The following DLGAP1 variants were observed in gnomAD, a reference collection of about 807,000 sequenced individuals.
DLGAP1 encodes disks large-associated protein 1.
In DLGAP1, 11 loss-of-function variants were observed where a neutral mutation model predicts 90.8. That is an observed-to-expected ratio of 0.12 (90% CI 0.08 to 0.20). The LOEUF is 0.20. DLGAP1 is among the 10% of genes least tolerant of loss of function. The probability of loss-of-function intolerance (pLI) is 1.00; values close to 1 mark genes in which losing one functional copy is unlikely to be tolerated. For synonymous variants in DLGAP1, 558 were observed against 540.7 expected (o/e 1.03, Z -0.44); for missense variants, 1,050 against 1,333.8 (o/e 0.79, Z 3.31).
intron 1 of DLGAP1, among the ~76,000 whole-genome samples, chr18:4,242,314 G>A (rs2078554861): frequency 6.6e-6 from 1 of 151,910 alleles, no homozygotes; most frequent in Non-Finnish European, 1.5e-5. Flanking sequence ...TTAATCCACT[G>A]GAATTAATTT....
In DLGAP1 at chr18:3,660,264, C is replaced by G. The variant is rs1049850609; in HGVS notation, c.1591+68871G>C. Among the ~76,000 whole-genome samples the G allele has an allele frequency of 3.3e-5, 5 of 152,352 alleles. No individual in the cohort carries two copies. The highest frequency in any genetic ancestry group is 1.2e-4 in the African/African-American group (5 of 41,584). ...TTTCAAGCAATCCTCCAGCCTCAGA[C>G]TCCCAAGTAGCAGGGACTACAGGTA... On this transcript the variant is annotated intron_variant, in intron 7 of 12. Coordinates refer to ENST00000315677, the MANE Select transcript of DLGAP1 (RefSeq NM_004746.4). This position sits in a 1 kb window ranked among gnomAD's most constrained non-coding sequence, Gnocchi z 4.2.
At chr18:3,584,812 C>A (rs995284310) in intron 7 of DLGAP1, among the ~76,000 whole-genome samples, 1 of 152,138 alleles carries the variant, frequency 6.6e-6, no homozygotes, top group African/African-American at 2.4e-5. Flanking sequence ...AAGGCAGTGG[C>A]ACGATCATGG....
At chr18:3,799,582 C>T (rs978974467) in intron 5 of DLGAP1, among the ~76,000 whole-genome samples, 4 of 151,692 alleles carry the variant, frequency 2.6e-5, no homozygotes, top group African/African-American at 9.7e-5. Flanking sequence ...TTGTTACCTC[C>T]GGGGCACAGT....
intron 10 of DLGAP1, among the ~76,000 whole-genome samples, chr18:3,516,284 G>C (rs936791835): frequency 6.6e-6 from 1 of 151,564 alleles, no homozygotes; most frequent in Admixed American, 6.6e-5. Context: ...AAATTTATGG[G>C]GTACAGGAGA....
chr18:3,540,019 T>C (rs1208644100), intron 9 of DLGAP1, among the ~76,000 whole-genome samples: 2 of 152,194 alleles, frequency 1.3e-5, no homozygotes, highest in African/African-American at 4.8e-5. Flanking sequence ...AGGCTGAATA[T>C]ATGTGGGATC....
chr18:3,864,320 G>A (rs138895942), intron 4 of DLGAP1, among the ~76,000 whole-genome samples: 4 of 152,202 alleles, frequency 2.6e-5, no homozygotes, highest in African/African-American at 9.6e-5. Flanking sequence ...AGATCAAATT[G>A]GCATGGTTTA....
intron 1 of DLGAP1, among the ~76,000 whole-genome samples, chr18:4,152,815 T>A (rs770244428): frequency 2.6e-5 from 4 of 152,222 alleles, no homozygotes; most frequent in Non-Finnish European, 5.9e-5. Flanking sequence ...CCCTGATTTA[T>A]ATACTAGTAT....
chr18:4,069,958 G>A (rs532617128), intron 2 of DLGAP1, among the ~76,000 whole-genome samples: 4 of 151,682 alleles, frequency 2.6e-5, no homozygotes, highest in Non-Finnish European at 4.4e-5. Flanking sequence ...ACAGACAAAG[G>A]CTTAATCCAT....
Position 3,746,150 on chromosome 18 carries a change from G to A in DLGAP1, c.1173-3638C>T, listed in dbSNP as rs766952436. Among the ~76,000 whole-genome samples the A allele has an allele frequency of 2.6e-5, 4 of 152,148 alleles. No individual in the cohort carries two copies. In the South Asian group the frequency reaches 8.3e-4, roughly 32 times the overall value. The stretch of plus-strand genomic sequence containing the variant: ...TTGGAATAGGCAAGGAAAAGATCAA[G>A]TATTTAATAATGGAGTTAGACCTTT... On this transcript the variant is annotated intron_variant, in intron 5 of 12. Coordinates refer to ENST00000315677, the MANE Select transcript of DLGAP1 (RefSeq NM_004746.4).
chr18:3,933,555 T>G (rs1320893125), intron 3 of DLGAP1, among the ~76,000 whole-genome samples: 1 of 152,252 alleles, frequency 6.6e-6, no homozygotes, highest in Non-Finnish European at 1.5e-5. Context: ...TCCCCTCCAT[T>G]CTTCCTCTCT....
intron 2 of DLGAP1, among the ~76,000 whole-genome samples, chr18:4,025,158 A>G (rs960629065): frequency 9.2e-5 from 14 of 152,172 alleles, no homozygotes; most frequent in Admixed American, 3.3e-4. Flanking sequence ...TTGAGTGTGC[A>G]TAGGTGGAGT....
At chr18:3,898,765 A>G (rs978684647) in intron 3 of DLGAP1, among the ~76,000 whole-genome samples, 7 of 152,318 alleles carry the variant, frequency 4.6e-5, no homozygotes, top group African/African-American at 1.7e-4. Context: ...ACGCTTTCCA[A>G]CATGAACTAG....
intron 2 of DLGAP1, among the ~76,000 whole-genome samples, chr18:4,057,604 C>T (rs1315058502): frequency 6.6e-6 from 1 of 152,202 alleles, no homozygotes; most frequent in Non-Finnish European, 1.5e-5. Flanking sequence ...GTGTACTTTA[C>T]TTCCTTTCTT....
At chr18:4,410,185 C>G (rs2082746454) in intron 1 of DLGAP1, among the ~76,000 whole-genome samples, 1 of 152,124 alleles carries the variant, frequency 6.6e-6, no homozygotes, top group Non-Finnish European at 1.5e-5. Context: ...GGATAAAAGA[C>G]AACAAATATG....
chr18:4,032,419 CA>C (rs1343930440), intron 2 of DLGAP1, among the ~76,000 whole-genome samples: 1 of 151,956 alleles, frequency 6.6e-6, no homozygotes, highest in African/African-American at 2.4e-5. Flanking sequence ...GGTTTTTCCC[CA>C]ATAAAGTTTT....
chr18:4,399,351 T>C (rs2082503903), intron 1 of DLGAP1, among the ~76,000 whole-genome samples: 1 of 152,198 alleles, frequency 6.6e-6, no homozygotes. Context: ...TAGCTACTAG[T>C]GTTTCAGGGT....
chr18:4,388,537 T>C (rs500876), intron 1 of DLGAP1, among the ~76,000 whole-genome samples: 139,873 of 152,146 alleles, frequency 0.92, 64,498 homozygotes, highest in East Asian at 1. Context: ...ATTAGGACAA[T>C]GGCATTTAAG....
At chr18:3,588,400 G>T (rs187454046) in intron 7 of DLGAP1, among the ~76,000 whole-genome samples, 5 of 148,292 alleles carry the variant, frequency 3.4e-5, no homozygotes, top group Admixed American at 2.7e-4. Context: ...CGGAGGTTGC[G>T]GTGAGCCGAG....
At chr18:3,791,089 G>T (rs1297841907) in intron 5 of DLGAP1, among the ~76,000 whole-genome samples, 2 of 152,158 alleles carry the variant, frequency 1.3e-5, no homozygotes, top group Non-Finnish European at 2.9e-5. Context: ...TGGCTTTTGG[G>T]CTGCGGCAAT....
Sources: gnomAD v4.1 joint callset for allele counts (sites outside exome capture counted in the v4.1 genomes callset) on GRCh38, gnomAD v4.1.1 for gene constraint, Gnocchi (gnomAD v3.1) non-coding constraint, MANE v1.5 for transcripts, NCBI Gene and HGNC (gene_info 2026-07-23, HGNC 2026-07-21) for gene names.